The following ZFYVE9 variants were observed in gnomAD, a reference collection of about 807,000 sequenced individuals.
ZFYVE9 encodes zinc finger FYVE domain-containing protein 9.
In ZFYVE9, 43 loss-of-function variants were observed where a neutral mutation model predicts 126.7. The ratio of observed to expected loss-of-function variants is 0.34; its 90% CI spans 0.27 to 0.44. ZFYVE9 has a LOEUF of 0.44. Among genes scored for constraint, ZFYVE9 ranks in the 20% least tolerant of loss-of-function variants. The pLI is 1.00. For missense variants in ZFYVE9, 1,476 were observed against 1,697.0 expected (o/e 0.87, Z 2.29); for synonymous variants, 521 against 597.4 (o/e 0.87, Z 1.87).
intron 1 of ZFYVE9, among the ~76,000 whole-genome samples, chr1:52,171,792 T>A (rs570857330): frequency 6.6e-6 from 1 of 152,368 alleles, no homozygotes; most frequent in South Asian, 2.1e-4. Flanking sequence ...GCTACATAAA[T>A]GTCTTCTTTT....
At chr1:52,324,399 G>A (rs1347691218) in intron 13 of ZFYVE9, among the ~76,000 whole-genome samples, 1 of 152,146 alleles carries the variant, frequency 6.6e-6, no homozygotes, top group African/African-American at 2.4e-5. Context: ...TAACTGGAAG[G>A]GTACGTATTT....
At chr1:52,328,692 C>A (rs2147866234) in intron 13 of ZFYVE9, among the ~76,000 whole-genome samples, 1 of 152,310 alleles carries the variant, frequency 6.6e-6, no homozygotes, top group Middle Eastern at 3.4e-3. Flanking sequence ...GTGATCATCT[C>A]AGTTTCTTTC....
intron 1 of ZFYVE9, chr1:52,180,270 T>G: frequency 6.2e-7 from 1 of 1,601,064 alleles, no homozygotes; most frequent in Non-Finnish European, 8.5e-7. Flanking sequence ...TGATGTCAAA[T>G]TTATCAAAGC....
chr1:52,344,649 T>C, intron 17 of ZFYVE9, 119 bp from the exon 18 acceptor site: 2 of 1,082,988 alleles, frequency 1.8e-6, no homozygotes, highest in Admixed American at 4.9e-5. Flanking sequence ...TATGGTGTCC[T>C]GTTCCTGTCA....
intron 1 of ZFYVE9, among the ~76,000 whole-genome samples, chr1:52,167,488 C>A (rs1216509947): frequency 6.6e-6 from 1 of 151,998 alleles, no homozygotes; most frequent in Admixed American, 6.6e-5. Flanking sequence ...ACATATGAAT[C>A]CTCGCCTTGG....
chr1:52,318,659 GCTGT>G (rs999159399), intron 13 of ZFYVE9, among the ~76,000 whole-genome samples: 20 of 151,956 alleles, frequency 1.3e-4, no homozygotes, highest in African/African-American at 3.9e-4. Context: ...GGATAACATG[GCTGT>G]CTATGTAGCA....
chr1:52,266,959 G>A (rs777846303), intron 6 of ZFYVE9, 128 bp downstream of exon 6: 62 of 784,274 alleles, frequency 7.9e-5, no homozygotes, highest in Middle Eastern at 3.9e-4. Context: ...TTATTAAAAT[G>A]GAACAACAAG....
intron 1 of ZFYVE9, among the ~76,000 whole-genome samples, chr1:52,151,740 C>T (rs775832170): frequency 6.6e-6 from 1 of 152,004 alleles, no homozygotes; most frequent in African/African-American, 2.4e-5. Context: ...TGGTCTGGAA[C>T]TCCTGACCTC....
chr1:52,183,352 C>T (rs377611659), intron 1 of ZFYVE9, among the ~76,000 whole-genome samples: 26 of 152,206 alleles, frequency 1.7e-4, no homozygotes, highest in African/African-American at 6.0e-4. Context: ...ATAGCAATCA[C>T]CAACATATAG....
At position 52,278,577 on chromosome 1, in the gene ZFYVE9, A is replaced by C; in HGVS notation, c.2832A>C (p.Leu944Phe). 1 of 1,597,270 alleles carries C rather than the reference A, an allele frequency of 6.3e-7. No homozygotes were observed. The highest frequency in any genetic ancestry group is 8.5e-7 in the Non-Finnish European group (1 of 1,171,746). The change falls in exon 9 of 19, where the codon TTA becomes TTC. Residue 944 changes from leucine to phenylalanine, a missense_variant. Leu to Phe is a conservative substitution (Grantham distance 22). Coordinates refer to ENST00000287727, the MANE Select transcript of ZFYVE9 (RefSeq NM_004799.4). Reference sequence around the variant, plus strand: ...GCCCTGACCCACTTGTATTTGTTTTAAATGCAAATTTGTTGTCAATGGTTA... The same window carrying C: ...GCCCTGACCCACTTGTATTTGTTTTCAATGCAAATTTGTTGTCAATGGTTA... ...DGGPDPLVFV[L>F]NANLLSMVKI...
intron 1 of ZFYVE9, among the ~76,000 whole-genome samples, chr1:52,193,023 A>G (rs1644829549): frequency 6.6e-6 from 1 of 152,206 alleles, no homozygotes; most frequent in African/African-American, 2.4e-5. Context: ...CTTGAGGCAC[A>G]AGAATAGATG....
At chr1:52,228,296 T>A (rs1645187390) in intron 2 of ZFYVE9, among the ~76,000 whole-genome samples, 1 of 152,130 alleles carries the variant, frequency 6.6e-6, no homozygotes, top group African/African-American at 2.4e-5. Context: ...TCCAGGCTGA[T>A]CTCAAACTCT....
intron 13 of ZFYVE9, among the ~76,000 whole-genome samples, chr1:52,316,358 G>T (rs1417265541): frequency 6.6e-6 from 1 of 150,904 alleles, no homozygotes; most frequent in Non-Finnish European, 1.5e-5. Flanking sequence ...GGTGGTGGGT[G>T]CCTGTAATCC....
chr1:52,160,359 CA>C, intron 1 of ZFYVE9: 1 of 1,158,050 alleles, frequency 8.6e-7, no homozygotes, highest in South Asian at 1.2e-5. Flanking sequence ...ACAAATTCAT[CA>C]ACTTTTATCT....
intron 2 of ZFYVE9, among the ~76,000 whole-genome samples, chr1:52,221,283 A>G (rs1284159819): frequency 6.6e-6 from 1 of 152,144 alleles, no homozygotes. Context: ...AACCATCTGT[A>G]AAGAGGTGAT....
Position 52,239,110 on chromosome 1 carries a change from G to A in ZFYVE9, c.1693G>A (p.Val565Ile). 1 of 1,614,054 alleles carries A rather than the reference G, an allele frequency of 6.2e-7. No individual in the cohort carries two copies. Among genetic ancestry groups the A allele is most frequent in the Non-Finnish European group, 8.5e-7 (1 of 1,179,982 alleles). Residue 565 changes from valine to isoleucine, a missense_variant, in exon 4 of 19, where the codon GTA (valine) becomes ATA (isoleucine). Physicochemically the swap from Val to Ile is conservative, Grantham distance 29 (BLOSUM62 3). Around this residue, in one of 2 missense-constraint regions of ZFYVE9, gnomAD observed 807 missense variants for 794.6 expected, o/e 1.02. Transcript: ENST00000287727. ...PSVLGQSSPK[V>I]VASLPSISVP... ...AGTGCTTGGGCAATCTTCCCCCAAG[G>A]TAGTAGCAAGCCTGCCATCTATCAG...
At position 52,329,170 on chromosome 1, in the gene ZFYVE9, C is replaced by T. The variant is rs11205950; in HGVS notation, c.3439-3598C>T. Among the ~76,000 whole-genome samples the T allele has an allele frequency of 0.015, 2,294 of 152,244 alleles. 132 individuals are homozygous for T. In the East Asian group the frequency reaches 0.18, roughly 12 times the overall value. ...TTCATTGCAAGCCGTATCAAAATTT[C>T]AATGGCCTTTTTGCAGCAATGGAAA... is the stretch of plus-strand genomic sequence containing the variant. On this transcript the variant is annotated intron_variant, in intron 13 of 18. Transcript: ENST00000287727.
At chr1:52,173,486 G>A (rs1264482751) in intron 1 of ZFYVE9, among the ~76,000 whole-genome samples, 3 of 152,116 alleles carry the variant, frequency 2.0e-5, no homozygotes, top group East Asian at 1.9e-4. Flanking sequence ...GTCTCTGCCC[G>A]GCTTTGGTAT....
intron 4 of ZFYVE9, among the ~76,000 whole-genome samples, chr1:52,255,889 T>C (rs1044047413): frequency 2.0e-5 from 3 of 151,524 alleles, no homozygotes; most frequent in African/African-American, 7.3e-5. Flanking sequence ...GAGTTTGAGC[T>C]ATTTTGCTTT....
Sources: gnomAD v4.1 joint callset for allele counts (sites outside exome capture counted in the v4.1 genomes callset) on GRCh38, gnomAD v4.1.1 for gene constraint, gnomAD v4.1.1 regional missense constraint, MANE v1.5 for transcripts, NCBI Gene and HGNC (gene_info 2026-07-23, HGNC 2026-07-21) for gene names.